Variants in TPRG1 observed in about 807,000 individuals in gnomAD.
TPRG1 encodes tumor protein p63-regulated gene 1 protein.
Under a neutral mutation model 29.3 loss-of-function variants are expected in TPRG1, and 29 were observed. The observed-to-expected ratio is 0.99, with a 90% confidence interval of 0.74 to 1.35. TPRG1 has a LOEUF of 1.35. Among genes scored for constraint, TPRG1 ranks in the 40% most tolerant of loss-of-function variants. TPRG1 has a pLI of 0.00. For missense variants in TPRG1, 327 were observed against 335.0 expected, an observed-to-expected ratio of 0.98 and a Z score of 0.19; for synonymous variants, 130 against 116.8, an observed-to-expected ratio of 1.11 and a Z score of -0.73.
chr3:189,312,477 A>G lies in TPRG1; in HGVS notation c.633+1938A>G, dbSNP rs565440798. 2.4e-3 allele frequency among the ~76,000 whole-genome samples: 372 copies of G among 152,252 alleles called. 4 individuals are homozygous for G. Among genetic ancestry groups the G allele is most frequent in the Non-Finnish European group, 3.5e-3 (238 of 68,014 alleles). ...ATATTTTTGAATTAGTAGTAATTGT[A>G]CTTTATTGTAAATCAAAATAAATAC... On this transcript the variant is annotated intron_variant, in intron 5 of 5. Coordinates refer to ENST00000345063, the MANE Select transcript of TPRG1 (RefSeq NM_198485.4).
At chr3:189,021,419 C>A (rs1251942398) in intron 3 of TPRG1, among the ~76,000 whole-genome samples, 1 of 152,018 alleles carries the variant, frequency 6.6e-6, no homozygotes, top group African/African-American at 2.4e-5. Context: ...TCTTTTAGGG[C>A]AGGCCTGGTG....
At chr3:189,016,330 C>T (rs548000947) in intron 3 of TPRG1, among the ~76,000 whole-genome samples, 2 of 152,116 alleles carry the variant, frequency 1.3e-5, no homozygotes, top group African/African-American at 4.8e-5. Flanking sequence ...AATTGTGCTG[C>T]CATTGTATTT....
intron 3 of TPRG1, among the ~76,000 whole-genome samples, chr3:189,014,742 C>T (rs1356888534): frequency 2.6e-5 from 4 of 152,120 alleles, no homozygotes. Context: ...GGAAGATGTG[C>T]CTTGTTTCCC....
intron 5 of TPRG1, among the ~76,000 whole-genome samples, chr3:189,157,395 C>T (rs1253719092): frequency 6.6e-6 from 1 of 152,108 alleles, no homozygotes; most frequent in Non-Finnish European, 1.5e-5. Context: ...CTCACATGTC[C>T]ACGGGACTGA....
chr3:189,104,545 C>T (rs1459171316), intron 1 of TPRG1, among the ~76,000 whole-genome samples: 1 of 152,008 alleles, frequency 6.6e-6, no homozygotes, highest in African/African-American at 2.4e-5. Flanking sequence ...TTGGCGCATT[C>T]CCTAAGGGAA....
Position 189,207,286 on chromosome 3 carries a change from C to T in TPRG1, c.-9-90C>T, listed in dbSNP as rs556568492. The T allele has an allele frequency of 7.0e-4, 1,042 of 1,494,406 alleles. 1 individual carries two copies. Among genetic ancestry groups the T allele is most frequent in the Non-Finnish European group, 8.7e-4 (967 of 1,106,728 alleles). The allele number at this position is 1,494,406 out of a possible 1,614,324, so 92.6% of individuals were successfully genotyped here. A position where few individuals can be genotyped will look rare whatever the true frequency, so the allele number is the denominator to read the frequency against. On this transcript the variant is annotated intron_variant, in intron 1 of 5. Coordinates refer to ENST00000345063, the MANE Select transcript of TPRG1 (RefSeq NM_198485.4). ...GGATGTTTTTAAGTTTCAGGAATTC[C>T]GTTTGCTCATCATATTCTGTTTTGC...
intron 1 of TPRG1, among the ~76,000 whole-genome samples, chr3:189,111,093 G>T (rs2152207576): frequency 7.2e-6 from 1 of 138,346 alleles, no homozygotes; most frequent in East Asian, 2.1e-4. Flanking sequence ...AATCAGCTTG[G>T]CAATTTCTAA....
intron 5 of TPRG1, among the ~76,000 whole-genome samples, chr3:189,159,733 A>G (rs891133668): frequency 5.9e-5 from 9 of 152,090 alleles, no homozygotes; most frequent in African/African-American, 2.2e-4. Flanking sequence ...GGAATGGGCA[A>G]TGAGAAATTG....
chr3:189,087,637 T>C (rs907470509), intron 4 of TPRG1, among the ~76,000 whole-genome samples: 34 of 152,256 alleles, frequency 2.2e-4, no homozygotes, highest in Non-Finnish European at 4.0e-4. Context: ...TTTATGGTTT[T>C]AAGTCTAACA....
chr3:189,000,570 ACACT>A (rs1378711590), intron 1 of TPRG1, among the ~76,000 whole-genome samples: 2 of 152,094 alleles, frequency 1.3e-5, no homozygotes, highest in Admixed American at 6.6e-5. Context: ...AAAATGGAAC[ACACT>A]CACCTCATTT....
At chr3:189,216,277 T>G (rs1736054525) in intron 3 of TPRG1, among the ~76,000 whole-genome samples, 1 of 152,188 alleles carries the variant, frequency 6.6e-6, no homozygotes, top group Non-Finnish European at 1.5e-5. Context: ...TTCCTATACC[T>G]TGAGTAAATA....
chr3:189,164,129 G>A (rs1025718114), intron 5 of TPRG1, among the ~76,000 whole-genome samples: 1 of 151,914 alleles, frequency 6.6e-6, no homozygotes, highest in African/African-American at 2.4e-5. Context: ...GTTTCTTCAT[G>A]TCTTTGTTTT....
chr3:189,221,002 A>G (rs1329728659), intron 3 of TPRG1, among the ~76,000 whole-genome samples: 1 of 152,162 alleles, frequency 6.6e-6, no homozygotes, highest in East Asian at 1.9e-4. Flanking sequence ...TCATTCACCT[A>G]TTATCAGATA....
chr3:189,272,601 T>C (rs936452925), intron 4 of TPRG1, among the ~76,000 whole-genome samples: 12 of 105,674 alleles, frequency 1.1e-4, no homozygotes, highest in African/African-American at 4.8e-4. Flanking sequence ...TTCTGCCAAG[T>C]CTCTTCTCTT....
At chr3:189,227,666 G>A (rs547475516) in intron 3 of TPRG1, among the ~76,000 whole-genome samples, 15 of 152,266 alleles carry the variant, frequency 9.9e-5, no homozygotes, top group African/African-American at 3.1e-4. Context: ...ACCCATCAGC[G>A]TTCTTTCAAA....
At chr3:189,086,622 G>A (rs1407855267) in intron 4 of TPRG1, among the ~76,000 whole-genome samples, 2 of 151,714 alleles carry the variant, frequency 1.3e-5, no homozygotes, top group Non-Finnish European at 2.9e-5. Flanking sequence ...CCGCCTCCCG[G>A]ATTCAAGTGA....
At chr3:189,056,886 A>G (rs1405109159) in intron 4 of TPRG1, among the ~76,000 whole-genome samples, 2 of 152,156 alleles carry the variant, frequency 1.3e-5, no homozygotes, top group Non-Finnish European at 2.9e-5. Context: ...AAGCCTCAGT[A>G]CTATGTCACG....
At chr3:189,188,741 A>G (rs1298890083) in intron 1 of TPRG1, among the ~76,000 whole-genome samples, 3 of 152,140 alleles carry the variant, frequency 2.0e-5, no homozygotes, top group Admixed American at 2.0e-4. Context: ...TAGCACTTTC[A>G]TAACTTCTTG....
intron 3 of TPRG1, among the ~76,000 whole-genome samples, chr3:189,021,282 A>G (rs1246599377): frequency 2.0e-5 from 3 of 150,258 alleles, no homozygotes; most frequent in African/African-American, 4.9e-5. Context: ...TTATGATGTT[A>G]GCTGGTTATT....
Sources: allele counts gnomAD v4.1 joint callset (sites outside exome capture counted in the v4.1 genomes callset), GRCh38; gene constraint gnomAD v4.1.1; transcripts MANE v1.5; gene names NCBI Gene and HGNC (gene_info 2026-07-23, HGNC 2026-07-21).